Variants in CSMD1 observed in about 807,000 individuals in gnomAD.
The protein encoded by CSMD1 is CUB and Sushi multiple domains 1, also known as CUB and sushi domain-containing protein 1.
Under a neutral mutation model 417.5 loss-of-function variants are expected in CSMD1, and 213 were observed. That is an observed-to-expected ratio of 0.51 (90% CI 0.46 to 0.57). The LOEUF is 0.57. CSMD1 is among the 20% of genes least tolerant of loss of function. The pLI is 0.00. For missense variants in CSMD1, 6,923 were observed against 4,529.7 expected, an observed-to-expected ratio of 1.53 and a Z score of -15.17; for synonymous variants, 2,862 against 1,736.8, an observed-to-expected ratio of 1.65 and a Z score of -16.11.
chr8:3,004,714 G>C (rs1563227706), intron 52 of CSMD1, among the ~76,000 whole-genome samples: 1 of 152,176 alleles, frequency 6.6e-6, no homozygotes, highest in African/African-American at 2.4e-5. Flanking sequence ...CTGAGAACAG[G>C]TATGACTGTG....
At chr8:4,154,255 A>C (rs1464317719) in intron 3 of CSMD1, among the ~76,000 whole-genome samples, 2 of 149,946 alleles carry the variant, frequency 1.3e-5, no homozygotes, top group Non-Finnish European at 3.0e-5. Flanking sequence ...AGTTTCTGGC[A>C]AACAGTAATG....
intron 52 of CSMD1, among the ~76,000 whole-genome samples, chr8:3,015,856 C>T (rs945164914): frequency 2.0e-5 from 3 of 152,116 alleles, no homozygotes; most frequent in Non-Finnish European, 2.9e-5. Flanking sequence ...GTGTCAGCAT[C>T]CTGGCAGTAC....
intron 18 of CSMD1, among the ~76,000 whole-genome samples, chr8:3,379,318 C>G (rs1011617779): frequency 3.3e-5 from 5 of 152,174 alleles, no homozygotes; most frequent in African/African-American, 1.2e-4. Flanking sequence ...AATGGCAATA[C>G]TGTCCAAAGT....
At chr8:3,002,862 C>T (rs1807533802) in intron 52 of CSMD1, among the ~76,000 whole-genome samples, 1 of 152,180 alleles carries the variant, frequency 6.6e-6, no homozygotes, top group Admixed American at 6.5e-5. Context: ...TTTCGGTTCT[C>T]TGAGGAATTG....
At chr8:3,439,839 G>A (rs985996758) in intron 12 of CSMD1, among the ~76,000 whole-genome samples, 3 of 152,136 alleles carry the variant, frequency 2.0e-5, no homozygotes, top group South Asian at 2.1e-4. Flanking sequence ...TGTAAAAGAT[G>A]TGAGATTCAC....
intron 10 of CSMD1, among the ~76,000 whole-genome samples, chr8:3,564,799 G>C (rs530600936): frequency 3.9e-5 from 6 of 152,094 alleles, no homozygotes; most frequent in South Asian, 4.2e-4. Context: ...ACAGAGGTGT[G>C]AGAGGGAAGT....
At chr8:3,954,779 G>A (rs1046073399) in intron 5 of CSMD1, among the ~76,000 whole-genome samples, 1 of 151,654 alleles carries the variant, frequency 6.6e-6, no homozygotes, top group Non-Finnish European at 1.5e-5. Flanking sequence ...ATGTGGCAGG[G>A]AGTTACATGC....
intron 2 of CSMD1, among the ~76,000 whole-genome samples, chr8:4,498,016 GC>G (rs969049882): frequency 6.6e-6 from 1 of 152,068 alleles, no homozygotes; most frequent in Non-Finnish European, 1.5e-5. Context: ...ACGTCCCGCA[GC>G]CCCAGGCTTC....
chr8:4,690,285 G>A (rs967266312), intron 1 of CSMD1, among the ~76,000 whole-genome samples: 4 of 152,108 alleles, frequency 2.6e-5, no homozygotes, highest in African/African-American at 9.7e-5. Flanking sequence ...TGAAGAGGAC[G>A]ACCTAACAGT....
At chr8:4,395,650 T>G (rs1428636738) in intron 3 of CSMD1, among the ~76,000 whole-genome samples, 2 of 151,540 alleles carry the variant, frequency 1.3e-5, no homozygotes, top group Non-Finnish European at 2.9e-5. Context: ...CTAAATGTTT[T>G]GATAAGACTC....
In CSMD1 at chr8:2,954,050, G is replaced by C. The variant is rs373546626; in HGVS notation, c.10039+174C>G. ...AATGTTATTTCATTAACAAACCATT[G>C]TTGTGAAATAAACAGAATTCCATGT... On this transcript the variant is annotated intron_variant, in intron 65 of 69. Coordinates refer to ENST00000635120, the MANE Select transcript of CSMD1 (RefSeq NM_033225.6). Among the ~76,000 whole-genome samples the C allele has an allele frequency of 2.4e-4, 37 of 152,338 alleles. 1 individual carries two copies. In the South Asian group the frequency reaches 7.5e-3, roughly 31 times the overall value.
chr8:4,432,773 G>A (rs1797939340), intron 2 of CSMD1, among the ~76,000 whole-genome samples: 1 of 152,142 alleles, frequency 6.6e-6, no homozygotes, highest in Admixed American at 6.5e-5. Context: ...AAAAATATAT[G>A]AAGCCAAGCA....
intron 1 of CSMD1, among the ~76,000 whole-genome samples, chr8:4,777,644 G>T (rs532853271): frequency 1.3e-5 from 2 of 152,156 alleles, no homozygotes; most frequent in Non-Finnish European, 2.9e-5. Context: ...TTAAAATACT[G>T]TATTAGCTTG....
chr8:3,360,079 G>C (rs1007275637), intron 20 of CSMD1, among the ~76,000 whole-genome samples: 1 of 152,124 alleles, frequency 6.6e-6, no homozygotes, highest in Non-Finnish European at 1.5e-5. Context: ...TATGTTTCTG[G>C]AAATCTTATC....
chr8:3,026,437 T>A (rs1378163490), intron 51 of CSMD1, among the ~76,000 whole-genome samples: 2 of 151,334 alleles, frequency 1.3e-5, no homozygotes, highest in Non-Finnish European at 2.9e-5. Flanking sequence ...TCACTGGGCC[T>A]CACTGGGCCT....
intron 2 of CSMD1, among the ~76,000 whole-genome samples, chr8:4,460,299 T>A (rs1223637141): frequency 6.6e-6 from 1 of 151,856 alleles, no homozygotes; most frequent in South Asian, 2.1e-4. Flanking sequence ...AAAATGGAGA[T>A]CAAATACATC....
chr8:3,489,219 T>C (rs1394325006), intron 11 of CSMD1, among the ~76,000 whole-genome samples: 3 of 152,110 alleles, frequency 2.0e-5, no homozygotes, highest in Non-Finnish European at 4.4e-5. Flanking sequence ...GAGCAAGAAG[T>C]AGATTCAGCA....
chr8:4,570,222 T>A (rs930938433), intron 2 of CSMD1, among the ~76,000 whole-genome samples: 2 of 152,228 alleles, frequency 1.3e-5, no homozygotes, highest in African/African-American at 2.4e-5. Context: ...TTGCTGGTTT[T>A]AAAACGCAAT....
intron 11 of CSMD1, among the ~76,000 whole-genome samples, chr8:3,491,177 G>A (rs1354315982): frequency 6.6e-6 from 1 of 152,148 alleles, no homozygotes; most frequent in Admixed American, 6.5e-5. Context: ...ACTGTCAAAG[G>A]GAACCAGGTA....
Sources: allele counts gnomAD v4.1 joint callset (sites outside exome capture counted in the v4.1 genomes callset), GRCh38; gene constraint gnomAD v4.1.1; transcripts MANE v1.5; gene names NCBI Gene and HGNC (gene_info 2026-07-23, HGNC 2026-07-21).